Variants in LOC128462377 observed in about 807,000 individuals in gnomAD.
the LOC128462377 span, among the ~76,000 whole-genome samples, chr16:89,362,463 C>T: frequency 8.3e-3 from 1,262 of 152,310 alleles, 13 homozygotes; most frequent in South Asian, 0.037. Flanking sequence ...GCACTGAAGC[C>T]GGAAGGGACA....
the LOC128462377 span, among the ~76,000 whole-genome samples, chr16:89,357,559 C>G: frequency 5.2e-3 from 786 of 152,342 alleles, 5 homozygotes; most frequent in African/African-American, 0.018. Flanking sequence ...CCCCAAAAGA[C>G]AGTTGTACTT....
At chr16:89,391,881 T>A in the LOC128462377 span, among the ~76,000 whole-genome samples, 1 of 152,270 alleles carries the variant, frequency 6.6e-6, no homozygotes, top group Non-Finnish European at 1.5e-5. Context: ...ATGTACTTTA[T>A]GTTCTTAGCT....
At chr16:89,389,901 C>T in the LOC128462377 span, among the ~76,000 whole-genome samples, 3 of 77,398 alleles carry the variant, frequency 3.9e-5, no homozygotes, top group African/African-American at 5.6e-5. Flanking sequence ...GCGGGGAGCA[C>T]CGAGAGAGAT....
At chr16:89,383,790 C>T in the LOC128462377 span, among the ~76,000 whole-genome samples, 4 of 152,328 alleles carry the variant, frequency 2.6e-5, no homozygotes, top group Admixed American at 6.5e-5. Flanking sequence ...ATGCCAAGAG[C>T]CCAATCATGA....
chr16:89,408,465 C>T, the LOC128462377 span, among the ~76,000 whole-genome samples: 2 of 152,252 alleles, frequency 1.3e-5, no homozygotes, highest in Non-Finnish European at 1.5e-5. Context: ...TGACCCTGAG[C>T]GTGGTGGCAA....
the LOC128462377 span, among the ~76,000 whole-genome samples, chr16:89,397,999 G>A: frequency 1.3e-5 from 2 of 152,236 alleles, no homozygotes; most frequent in East Asian, 3.8e-4. Context: ...ACCACAAAGC[G>A]CCTGTCACCA....
At chr16:89,394,236 A>G in the LOC128462377 span, among the ~76,000 whole-genome samples, 1 of 152,220 alleles carries the variant, frequency 6.6e-6, no homozygotes, top group Admixed American at 6.5e-5. Flanking sequence ...CTGGGACTGC[A>G]GTTCCACAGT....
At chr16:89,397,040 G>C in the LOC128462377 span, among the ~76,000 whole-genome samples, 3 of 151,044 alleles carry the variant, frequency 2.0e-5, no homozygotes, top group African/African-American at 7.3e-5. Flanking sequence ...TTTTTTTAAA[G>C]AATGTGCTGC....
the LOC128462377 span, among the ~76,000 whole-genome samples, chr16:89,318,114 G>A: frequency 6.6e-6 from 1 of 152,170 alleles, no homozygotes; most frequent in East Asian, 1.9e-4. Flanking sequence ...TCCCACCCCC[G>A]TGGTGTGAGG....
chr16:89,324,639 T>G, the LOC128462377 span: 3 of 390,344 alleles, frequency 7.7e-6, no homozygotes, highest in African/African-American at 4.2e-5. Flanking sequence ...TGGCTGAGTC[T>G]TCCAGCCTCC....
chr16:89,393,410 G>A, the LOC128462377 span, among the ~76,000 whole-genome samples: 1 of 148,908 alleles, frequency 6.7e-6, no homozygotes, highest in African/African-American at 2.5e-5. Context: ...TGCAACCTCT[G>A]CCTCCTGAGT....
the LOC128462377 span, among the ~76,000 whole-genome samples, chr16:89,402,636 TG>T: frequency 2.7e-5 from 1 of 36,524 alleles, no homozygotes; most frequent in African/African-American, 1.1e-4. Context: ...GAGCTGTGGG[TG>T]GGGGGGGCAG....
chr16:89,366,209 A>G, the LOC128462377 span, among the ~76,000 whole-genome samples: 39 of 151,210 alleles, frequency 2.6e-4, no homozygotes, highest in African/African-American at 6.3e-4. Flanking sequence ...TATGCACCAC[A>G]TTTTCTTTAT....
At chr16:89,347,452 T>C in the LOC128462377 span, among the ~76,000 whole-genome samples, 1 of 151,592 alleles carries the variant, frequency 6.6e-6, no homozygotes, top group Non-Finnish European at 1.5e-5. Flanking sequence ...TACTAAAAAA[T>C]ACAAAAAAAT....
chr16:89,409,488 G>A, the LOC128462377 span, among the ~76,000 whole-genome samples: 1 of 152,172 alleles, frequency 6.6e-6, no homozygotes, highest in Non-Finnish European at 1.5e-5. Flanking sequence ...ATACAGGTGT[G>A]AGGGAGATGA....
chr16:89,338,749 AAG>A, the LOC128462377 span, among the ~76,000 whole-genome samples: 1 of 151,306 alleles, frequency 6.6e-6, no homozygotes, highest in Non-Finnish European at 1.5e-5. Flanking sequence ...AAAAAAAAAA[AAG>A]AGCGAGCTTT....
At chr16:89,384,617 G>A in the LOC128462377 span, among the ~76,000 whole-genome samples, 2 of 152,290 alleles carry the variant, frequency 1.3e-5, no homozygotes, top group Non-Finnish European at 2.9e-5. Flanking sequence ...GCTTCTGCAG[G>A]AAGGAGCCTC....
At chr16:89,324,257 T>C in the LOC128462377 span, 1 of 1,228,050 alleles carries the variant, frequency 8.1e-7, no homozygotes, top group Non-Finnish European at 1.0e-6. Flanking sequence ...GTCACTGGGC[T>C]GTGGAACATA....
chr16:89,349,419 A>G, the LOC128462377 span, among the ~76,000 whole-genome samples: 6 of 151,972 alleles, frequency 3.9e-5, no homozygotes, highest in Non-Finnish European at 5.9e-5. Flanking sequence ...GGCGGAGCTT[A>G]CAGTGAGCTG....
Sources: gnomAD v4.1 joint callset for allele counts (sites outside exome capture counted in the v4.1 genomes callset) on GRCh38, gnomAD v4.1.1 for gene constraint, MANE v1.5 for transcripts.